Variants in LAMA2 observed in about 807,000 individuals in gnomAD.
LAMA2 encodes the protein laminin subunit alpha 2.
A neutral mutation model predicts 364.8 loss-of-function variants in LAMA2; 269 were observed. The observed-to-expected ratio is 0.74, with a 90% CI of 0.67 to 0.82. LAMA2 has a LOEUF of 0.82. Among genes scored for constraint, LAMA2 ranks in the 40% least tolerant of loss-of-function variants. The pLI is 0.00. For synonymous variants in LAMA2, 1,379 were observed against 1,370.6 expected (o/e 1.01, Z -0.14); for missense variants, 3,807 against 3,873.2 (o/e 0.98, Z 0.45).
intron 32 of LAMA2, among the ~76,000 whole-genome samples, chr6:129,354,869 G>A (rs530967829): frequency 5.5e-4 from 83 of 152,192 alleles, no homozygotes; most frequent in Middle Eastern, 3.4e-3. Context: ...ATTAGAAATC[G>A]TAATTCATCT....
chr6:129,500,523 T>A (rs931979577), intron 58 of LAMA2, among the ~76,000 whole-genome samples: 10 of 152,196 alleles, frequency 6.6e-5, no homozygotes. Flanking sequence ...AAACGGAGGA[T>A]CTAATCCAGG....
At chr6:129,154,741 G>A (rs1465017571) in intron 8 of LAMA2, 58 bp downstream of exon 8, 27 of 1,338,254 alleles carry the variant, frequency 2.0e-5, no homozygotes, top group Non-Finnish European at 2.7e-5. Context: ...ATACAAAAAT[G>A]TTTTATACAA....
chr6:129,254,735 T>C (rs779347876), intron 14 of LAMA2, among the ~76,000 whole-genome samples: 3 of 152,230 alleles, frequency 2.0e-5, no homozygotes, highest in Non-Finnish European at 4.4e-5. Flanking sequence ...CTCTTCATTC[T>C]TCTTTTAAGA....
intron 5 of LAMA2, among the ~76,000 whole-genome samples, chr6:129,146,232 G>A (rs184693068): frequency 2.6e-4 from 39 of 151,924 alleles, no homozygotes; most frequent in African/African-American, 8.7e-4. Context: ...ATATGATAAT[G>A]TAAAGTGCTC....
chr6:129,216,149 G>T (rs1185349286), intron 12 of LAMA2, among the ~76,000 whole-genome samples: 1 of 152,130 alleles, frequency 6.6e-6, no homozygotes, highest in Non-Finnish European at 1.5e-5. Context: ...TACAATCTCT[G>T]ATTACACAAC....
At chr6:129,340,236 T>C (rs1456909343) in intron 29 of LAMA2, among the ~76,000 whole-genome samples, 1 of 152,114 alleles carries the variant, frequency 6.6e-6, no homozygotes, top group Non-Finnish European at 1.5e-5. Context: ...GTAAACAATG[T>C]CTTTTTAAAA....
At chr6:129,167,926 AT>A (rs1779866515) in intron 9 of LAMA2, among the ~76,000 whole-genome samples, 2 of 149,314 alleles carry the variant, frequency 1.3e-5, no homozygotes, top group Non-Finnish European at 3.0e-5. Context: ...GATGATGAGC[AT>A]TTTTTCATGT....
intron 48 of LAMA2, among the ~76,000 whole-genome samples, chr6:129,458,037 A>G (rs573506227): frequency 3.9e-5 from 6 of 152,234 alleles, no homozygotes; most frequent in Non-Finnish European, 7.4e-5. Context: ...AGGGACACAG[A>G]CATTCACACT....
In LAMA2 at chr6:129,256,763, C is replaced by CAAATATATATATATAT. The variant is rs749883373; in HGVS notation, c.2097-3947_2097-3946insAATATATATATATATA. ...TATATATAAAAAACAAATTATATAG[C>CAAATATATATATATAT]ATATATATATATATATATATATATA... On this transcript the variant is annotated intron_variant, in intron 14 of 64. Transcript: ENST00000421865. Among the ~76,000 whole-genome samples the CAAATATATATATATAT allele has an allele frequency of 9.3e-4, 82 of 87,952 alleles. 4 individuals are homozygous for CAAATATATATATATAT. The highest frequency in any genetic ancestry group is 2.3e-3 in the African/African-American group (55 of 24,140). 57.7% of individuals were successfully genotyped at this position (87,952 alleles called of 152,430 possible).
intron 4 of LAMA2, among the ~76,000 whole-genome samples, chr6:129,108,379 G>T (rs1224965983): frequency 2.6e-5 from 4 of 151,864 alleles, no homozygotes; most frequent in Non-Finnish European, 5.9e-5. Flanking sequence ...CATTACTTTT[G>T]ATCATTTTAC....
chr6:129,098,379 AT>A lies in LAMA2; in HGVS notation c.607del (p.Tyr203ThrfsTer7). On this transcript the variant is annotated frameshift_variant, in exon 4 of 65. Transcript: ENST00000421865. LOFTEE classifies it high-confidence loss of function. Reference protein sequence around the residue: ...AKDDEVICTSFYSKIHPLENG... With the variant: ...AKDDEVICTSXYSKIHPLENG... ...AAGATGATGAGGTCATCTGCACTTC[AT>A]TTTACTCCAAGATACACCCCTTAGA... 1 of 1,614,034 alleles carries A rather than the reference AT, an allele frequency of 6.2e-7. No homozygotes were observed. Among genetic ancestry groups the A allele is most frequent in the Non-Finnish European group, 8.5e-7 (1 of 1,179,960 alleles).
Position 129,315,573 on chromosome 6 carries a change from TTG to T in LAMA2, c.3654_3655del (p.Ala1219ProfsTer23). The T allele has an allele frequency of 6.2e-7, 1 of 1,614,184 alleles. No individual in the cohort carries two copies. The highest frequency in any genetic ancestry group is 8.5e-7 in the Non-Finnish European group (1 of 1,180,020). ...ATTGTTTTTCAACATCCAGAGATTGTTGCCCACATGGACCTGATGAGAGAAGA... is the reference window on the plus strand; with the variant it reads ...ATTGTTTTTCAACATCCAGAGATTGTCCCACATGGACCTGATGAGAGAAGA... On this transcript the variant is annotated frameshift_variant, in exon 25 of 65. Coordinates refer to ENST00000421865, the MANE Select transcript of LAMA2 (RefSeq NM_000426.4). LOFTEE classifies it high-confidence loss of function.
chr6:129,154,749 C>A, intron 8 of LAMA2, 66 bp downstream of exon 8: 1 of 1,274,248 alleles, frequency 7.8e-7, no homozygotes, highest in Non-Finnish European at 1.1e-6. Flanking sequence ...ATGTTTTATA[C>A]AAAAAAATAA....
intron 1 of LAMA2, among the ~76,000 whole-genome samples, chr6:129,014,782 C>T (rs1784974133): frequency 6.6e-6 from 1 of 152,012 alleles, no homozygotes; most frequent in Admixed American, 6.6e-5. Context: ...GATATTTGAA[C>T]ATGGTGGAAA....
chr6:129,260,790 T>A lies in LAMA2; in HGVS notation c.2176T>A (p.Cys726Ser). 6.2e-7 allele frequency: 1 copy of A among 1,611,224 alleles called. No homozygotes were observed. The highest frequency in any genetic ancestry group is 8.5e-7 in the Non-Finnish European group (1 of 1,177,510). Reference sequence around the variant, plus strand: ...TGCAGCAGCTGTAGAAGTGTGTCAGTGCCCACCAGGGTATACTGGCTCCTC... The same window carrying A: ...TGCAGCAGCTGTAGAAGTGTGTCAGAGCCCACCAGGGTATACTGGCTCCTC... ...SIAAAVEVCQ[C>S]PPGYTGSSCE... is the part of the protein sequence containing the mutation. Residue 726 changes from cysteine to serine, a missense_variant, in exon 15 of 65, where the codon TGC (cysteine) becomes AGC (serine). This residue lies in a region of LAMA2 where 3,333 missense variants were observed against 3,345.7 expected (regional missense o/e 1.00). Transcript: ENST00000421865.
chr6:129,411,843 C>A (rs1780555214), intron 40 of LAMA2, among the ~76,000 whole-genome samples: 1 of 151,654 alleles, frequency 6.6e-6, no homozygotes, highest in African/African-American at 2.4e-5. Flanking sequence ...AAAATGTGTA[C>A]AAATCTAAGT....
chr6:129,007,865 G>A (rs1784531971), intron 1 of LAMA2, among the ~76,000 whole-genome samples: 1 of 152,030 alleles, frequency 6.6e-6, no homozygotes, highest in Non-Finnish European at 1.5e-5. Flanking sequence ...TTGTCTTTGG[G>A]GTGTACTTGA....
chr6:129,027,572 AT>A (rs1384856883), intron 1 of LAMA2, among the ~76,000 whole-genome samples: 5 of 152,004 alleles, frequency 3.3e-5, no homozygotes, highest in Non-Finnish European at 7.4e-5. Flanking sequence ...TCAAACAATG[AT>A]TCTTTTTAAT....
At chr6:129,344,270 G>A (rs1317856811) in intron 30 of LAMA2, among the ~76,000 whole-genome samples, 1 of 152,142 alleles carries the variant, frequency 6.6e-6, no homozygotes, top group East Asian at 1.9e-4. Flanking sequence ...ACCAGAAGTA[G>A]GTAATAGTAA....
Sources: allele counts gnomAD v4.1 joint callset (sites outside exome capture counted in the v4.1 genomes callset), GRCh38; gene constraint gnomAD v4.1.1; regional missense constraint gnomAD v4.1.1; transcripts MANE v1.5; gene names NCBI Gene and HGNC (gene_info 2026-07-23, HGNC 2026-07-21).